The following PCNX2 variants were observed in gnomAD, a reference collection of about 807,000 sequenced individuals.
The protein encoded by PCNX2 is pecanex-like protein 2.
A neutral mutation model predicts 223.8 loss-of-function variants in PCNX2; 168 were observed. The ratio of observed to expected loss-of-function variants is 0.75; its 90% confidence interval spans 0.66 to 0.85. PCNX2 has a LOEUF of 0.85. PCNX2 is among the 40% of genes least tolerant of loss of function. The pLI is 0.00. For missense variants in PCNX2, 2,507 were observed against 2,675.5 expected (o/e 0.94, Z 1.39); for synonymous variants, 1,006 against 1,052.6 (o/e 0.96, Z 0.86).
intron 13 of PCNX2, among the ~76,000 whole-genome samples, chr1:233,202,503 G>A (rs149578636): frequency 5.9e-5 from 9 of 152,302 alleles, no homozygotes; most frequent in African/African-American, 1.9e-4. Context: ...AAATGGCACA[G>A]AAATAAAACT....
chr1:233,156,859 A>G (rs1678165867), intron 19 of PCNX2, among the ~76,000 whole-genome samples: 1 of 152,170 alleles, frequency 6.6e-6, no homozygotes, highest in African/African-American at 2.4e-5. Flanking sequence ...CAGAGGTTGC[A>G]GTGAGCCGAG....
the PCNX2 span, among the ~76,000 whole-genome samples, chr1:233,312,727 T>G: frequency 6.6e-6 from 1 of 152,122 alleles, no homozygotes. Flanking sequence ...GAAACAAATG[T>G]AGCAACACAT....
chr1:233,206,223 CAG>C (rs1430597945), intron 13 of PCNX2, among the ~76,000 whole-genome samples: 1 of 152,104 alleles, frequency 6.6e-6, no homozygotes, highest in East Asian at 1.9e-4. Context: ...GTGTGGAGTG[CAG>C]AGAGAGAAAA....
intron 4 of PCNX2, chr1:233,259,828 T>G: frequency 1.1e-6 from 1 of 894,376 alleles, no homozygotes. Context: ...ACTTATTTTT[T>G]AAAATAACAC....
At chr1:233,264,590 G>A (rs367849571) in intron 1 of PCNX2, among the ~76,000 whole-genome samples, 25 of 152,168 alleles carry the variant, frequency 1.6e-4, no homozygotes, top group African/African-American at 5.5e-4. Flanking sequence ...CACTTAACTC[G>A]CTCTTATTAT....
chr1:233,073,993 T>A (rs1425653185), intron 23 of PCNX2, among the ~76,000 whole-genome samples: 1 of 152,184 alleles, frequency 6.6e-6, no homozygotes, highest in Admixed American at 6.5e-5. Context: ...CTTCCATAAG[T>A]TTTAATAAAT....
At chr1:233,161,861 C>T (rs549163547) in intron 17 of PCNX2, among the ~76,000 whole-genome samples, 4 of 151,892 alleles carry the variant, frequency 2.6e-5, no homozygotes, top group African/African-American at 7.2e-5. Context: ...ACAGAAACCT[C>T]TTATACGTTT....
At chr1:233,186,151 A>G (rs994921161) in intron 15 of PCNX2, among the ~76,000 whole-genome samples, 1 of 152,204 alleles carries the variant, frequency 6.6e-6, no homozygotes, top group African/African-American at 2.4e-5. Flanking sequence ...AACAGGCCGA[A>G]TTCTTGCTTT....
chr1:233,293,179 A>G (rs1661870165), intron 1 of PCNX2, among the ~76,000 whole-genome samples: 1 of 152,238 alleles, frequency 6.6e-6, no homozygotes, highest in Non-Finnish European at 1.5e-5. Context: ...ATGAGCCCAT[A>G]TGCATAGGAA....
In PCNX2 at chr1:232,991,076, G is replaced by A. The variant is rs1014938419; in HGVS notation, c.5792-4536C>T. Among the ~76,000 whole-genome samples the A allele has an allele frequency of 6.6e-6, 1 of 152,210 alleles. No individual in the cohort carries two copies. The highest frequency in any genetic ancestry group is 2.1e-4 in the South Asian group (1 of 4,836). Reference sequence around the variant, plus strand: ...GCTGCACTGTCCTAGGTGCCGGGCAGTGAGCAGCTCATGGGAAATTCTGAC... The same window carrying A: ...GCTGCACTGTCCTAGGTGCCGGGCAATGAGCAGCTCATGGGAAATTCTGAC... On this transcript the variant is annotated intron_variant, in intron 32 of 33. Transcript: ENST00000258229. The surrounding 1 kb of genome is among the most constrained non-coding windows in gnomAD (Gnocchi z 4.3).
At chr1:233,086,564 G>A (rs778659409) in intron 23 of PCNX2, among the ~76,000 whole-genome samples, 15 of 151,976 alleles carry the variant, frequency 9.9e-5, no homozygotes, top group Non-Finnish European at 1.8e-4. Context: ...CCAGCTACTC[G>A]GGAGGCTGAG....
intron 28 of PCNX2, among the ~76,000 whole-genome samples, chr1:233,013,286 AC>A (rs1366023970): frequency 6.6e-6 from 1 of 152,114 alleles, no homozygotes. Flanking sequence ...AATCCTAACT[AC>A]CCTTGGTTCT....
intron 10 of PCNX2, among the ~76,000 whole-genome samples, chr1:233,224,395 A>G (rs1382555347): frequency 1.3e-5 from 2 of 152,232 alleles, no homozygotes; most frequent in Non-Finnish European, 2.9e-5. Flanking sequence ...AAAGACTAAG[A>G]AAACATTTTT....
chr1:233,084,118 C>T (rs929195670), intron 23 of PCNX2, among the ~76,000 whole-genome samples: 1 of 152,154 alleles, frequency 6.6e-6, no homozygotes, highest in Admixed American at 6.5e-5. Flanking sequence ...TCTCATTTTA[C>T]AGATGAGTTA....
At chr1:233,325,451 G>T in the PCNX2 span, among the ~76,000 whole-genome samples, 152 of 148,538 alleles carry the variant, frequency 1.0e-3, 1 homozygote, top group Non-Finnish European at 1.7e-3. Context: ...GAGGTCAGGA[G>T]ATCGAGACCA....
chr1:233,215,501 G>C (rs545548361), intron 12 of PCNX2, among the ~76,000 whole-genome samples: 4 of 152,300 alleles, frequency 2.6e-5, no homozygotes, highest in African/African-American at 7.2e-5. Flanking sequence ...CTCCAACCTA[G>C]AGCAGTGGCA....
At chr1:233,232,681 TA>T in intron 9 of PCNX2, 2 of 452,978 alleles carry the variant, frequency 4.4e-6, no homozygotes, top group Non-Finnish European at 5.8e-6. Flanking sequence ...CATCTTTTAG[TA>T]AATGCCAATA....
At position 233,218,209 on chromosome 1, in the gene PCNX2, C is replaced by CAAAA. The variant is rs34818026; in HGVS notation, c.2505-29_2505-26dup. 179 of 275,470 alleles carry CAAAA rather than the reference C, an allele frequency of 6.5e-4. 3 individuals carry two copies. The highest frequency in any genetic ancestry group is 2.8e-3 in the South Asian group (37 of 13,346). 17.1% of individuals were successfully genotyped at this position (275,470 alleles called of 1,614,324 possible). ...TCTGTGCAAAATATATACATAAAAGCAAAAAAAAAAAAAAAAAAAAAAAGT... is the reference window on the plus strand; with the variant it reads ...TCTGTGCAAAATATATACATAAAAGCAAAAAAAAAAAAAAAAAAAAAAAAAAAGT... On this transcript the variant is annotated intron_variant, in intron 10 of 33. Transcript: ENST00000258229.
At chr1:233,248,974 A>T (rs1037431146) in intron 8 of PCNX2, among the ~76,000 whole-genome samples, 1 of 152,132 alleles carries the variant, frequency 6.6e-6, no homozygotes, top group Non-Finnish European at 1.5e-5. Flanking sequence ...CTGGAAAGGA[A>T]ATGCAGAGGA....
Sources: allele counts gnomAD v4.1 joint callset (sites outside exome capture counted in the v4.1 genomes callset), GRCh38; gene constraint gnomAD v4.1.1; non-coding constraint Gnocchi (gnomAD v3.1); transcripts MANE v1.5; gene names NCBI Gene and HGNC (gene_info 2026-07-23, HGNC 2026-07-21).